PHTF2: variants seen among roughly 807,000 people sequenced by gnomAD.
The protein encoded by PHTF2 is protein PHTF2.
Under a neutral mutation model 101.2 loss-of-function variants are expected in PHTF2, and 60 were observed. The ratio of observed to expected loss-of-function variants is 0.59; its 90% CI spans 0.48 to 0.73. The LOEUF is 0.73. PHTF2 is among the 30% of genes least tolerant of loss of function. PHTF2 has a pLI of 0.00. For synonymous variants in PHTF2, 311 were observed against 307.3 expected, an observed-to-expected ratio of 1.01 and a Z score of -0.13; for missense variants, 747 against 908.7, an observed-to-expected ratio of 0.82 and a Z score of 2.29.
chr7:77,837,171 A>G (rs928513794), intron 1 of PHTF2, among the ~76,000 whole-genome samples: 17 of 152,154 alleles, frequency 1.1e-4, no homozygotes, highest in Admixed American at 3.3e-4. Context: ...CAGTTGATCA[A>G]AAAAGATTAA....
chr7:77,840,279 T>C (rs1199536318), exon 2 of PHTF2: 2 of 1,608,970 alleles, frequency 1.2e-6, no homozygotes, highest in African/African-American at 1.3e-5. Context: ...TCACAGATGC[T>C]ATAGTCTGGT....
chr7:77,884,878 GA>G (rs1271377257), intron 3 of PHTF2, among the ~76,000 whole-genome samples: 1 of 151,540 alleles, frequency 6.6e-6, no homozygotes, highest in Non-Finnish European at 1.5e-5. Context: ...CAGCCTGGGT[GA>G]CAAAGCGAGA....
intron 1 of PHTF2, among the ~76,000 whole-genome samples, chr7:77,820,527 T>C (rs566729441): frequency 2.0e-5 from 3 of 151,896 alleles, no homozygotes; most frequent in Non-Finnish European, 4.4e-5. Flanking sequence ...AATGTGTGTG[T>C]GTGCGTGTGT....
chr7:77,910,360 G>A lies in PHTF2; in HGVS notation c.727G>A (p.Val243Ile), dbSNP rs61998250. 122 of 1,613,806 alleles carry A rather than the reference G, an allele frequency of 7.6e-5. No individual in the cohort carries two copies. Among genetic ancestry groups the A allele is most frequent in the Middle Eastern group, 3.3e-4 (2 of 6,062 alleles). ...CCACGGTACAAGCACCTCTCACAGC[G>A]TTGGCACTGTCTTCAGAGATCTCTG... The change falls in exon 9 of 20, where the codon GTT (valine) becomes ATT (isoleucine). Residue 243 changes from valine to isoleucine, a missense_variant. Coordinates refer to ENST00000416283, the Ensembl canonical transcript of PHTF2.
chr7:77,813,950 T>G (rs1477060610), intron 1 of PHTF2, among the ~76,000 whole-genome samples: 1 of 152,228 alleles, frequency 6.6e-6, no homozygotes, highest in Non-Finnish European at 1.5e-5. Flanking sequence ...AATCGTAAGA[T>G]TTGGTGTCCA....
At chr7:77,943,107 ATTC>A (rs1281836791) in intron 16 of PHTF2, among the ~76,000 whole-genome samples, 3 of 118,320 alleles carry the variant, frequency 2.5e-5, no homozygotes, top group Non-Finnish European at 4.0e-5. Flanking sequence ...CATGTTTACT[ATTC>A]TTTTCTTTCT....
At position 77,871,036 on chromosome 7, in the gene PHTF2, C is replaced by T. The variant is rs768991882; in HGVS notation, c.147+16202C>T. The stretch of plus-strand genomic sequence containing the variant: ...TACAGTCCTTGTTTCTGCAGCTGAT[C>T]GTGTGGTCGTAGCTGGTATTGATGA... On this transcript the variant is annotated intron_variant, in intron 3 of 19. Coordinates refer to ENST00000416283, the Ensembl canonical transcript of PHTF2. 3.3e-5 allele frequency among the ~76,000 whole-genome samples: 5 copies of T among 152,328 alleles called. No individual in the cohort carries two copies. In the South Asian group the frequency reaches 8.3e-4, roughly 25 times the overall value.
intron 1 of PHTF2, among the ~76,000 whole-genome samples, chr7:77,804,962 A>G (rs765998911): frequency 3.9e-5 from 6 of 152,252 alleles, no homozygotes; most frequent in African/African-American, 7.2e-5. Flanking sequence ...GTGTCTGCAC[A>G]TGATAATTAA....
chr7:77,878,230 C>T (rs748045996), intron 3 of PHTF2, among the ~76,000 whole-genome samples: 1 of 151,838 alleles, frequency 6.6e-6, no homozygotes, highest in African/African-American at 2.4e-5. Flanking sequence ...ATTTGGCAAG[C>T]AGTGGGCTAG....
At chr7:77,929,691 T>C (rs1340678996) in intron 12 of PHTF2, among the ~76,000 whole-genome samples, 1 of 152,144 alleles carries the variant, frequency 6.6e-6, no homozygotes, top group African/African-American at 2.4e-5. Flanking sequence ...AATTTGTAGC[T>C]CCAAGTGCCC....
At chr7:77,855,096 C>T (rs1306170324) in intron 3 of PHTF2, among the ~76,000 whole-genome samples, 1 of 152,238 alleles carries the variant, frequency 6.6e-6, no homozygotes, top group Non-Finnish European at 1.5e-5. Context: ...CCAGCAGGAC[C>T]CTGGGTCTCA....
intron 1 of PHTF2, among the ~76,000 whole-genome samples, chr7:77,805,856 A>G (rs1792928165): frequency 6.6e-6 from 1 of 152,230 alleles, no homozygotes; most frequent in African/African-American, 2.4e-5. Context: ...ACACTTGAAA[A>G]GAATATTGGA....
chr7:77,876,531 C>T (rs1798956280), intron 3 of PHTF2, among the ~76,000 whole-genome samples: 1 of 152,084 alleles, frequency 6.6e-6, no homozygotes, highest in Admixed American at 6.5e-5. Flanking sequence ...ATGAGCAACA[C>T]TTTTATTAGT....
intron 1 of PHTF2, among the ~76,000 whole-genome samples, chr7:77,832,229 GT>G (rs1303491218): frequency 6.6e-6 from 1 of 152,170 alleles, no homozygotes; most frequent in African/African-American, 2.4e-5. Context: ...CTGGAATTGA[GT>G]GAACATTGAG....
At chr7:77,910,830 A>T (rs918556448) in intron 9 of PHTF2, among the ~76,000 whole-genome samples, 1 of 152,044 alleles carries the variant, frequency 6.6e-6, no homozygotes, top group Non-Finnish European at 1.5e-5. Flanking sequence ...TTTAGTAGAG[A>T]TGGGGTTTTA....
intron 4 of PHTF2, 22 bp downstream of exon 3, chr7:77,893,686 GT>G: frequency 9.4e-7 from 1 of 1,065,140 alleles, no homozygotes; most frequent in Non-Finnish European, 1.4e-6. Flanking sequence ...ATTTCATTTT[GT>G]TTATTTTGAA....
intron 3 of PHTF2, among the ~76,000 whole-genome samples, chr7:77,860,940 G>A (rs1324051897): frequency 1.3e-5 from 2 of 152,076 alleles, no homozygotes; most frequent in Non-Finnish European, 2.9e-5. Flanking sequence ...CTGGGCTCAC[G>A]TTATCCTCCC....
intron 3 of PHTF2, among the ~76,000 whole-genome samples, chr7:77,858,506 T>A (rs1309468885): frequency 1.3e-5 from 2 of 152,186 alleles, no homozygotes; most frequent in African/African-American, 4.8e-5. Flanking sequence ...TTTAGGCCAC[T>A]GGTCTTCCTG....
At chr7:77,919,830 T>G (rs1803279290) in intron 9 of PHTF2, among the ~76,000 whole-genome samples, 1 of 152,202 alleles carries the variant, frequency 6.6e-6, no homozygotes, top group Non-Finnish European at 1.5e-5. Flanking sequence ...AAAAGACCTG[T>G]GTCTTCACTG....
Sources: gnomAD v4.1 joint callset for allele counts (sites outside exome capture counted in the v4.1 genomes callset) on GRCh38, gnomAD v4.1.1 for gene constraint, MANE v1.5 for transcripts, NCBI Gene and HGNC (gene_info 2026-07-23, HGNC 2026-07-21) for gene names.